Variants in DOCK8 observed in about 807,000 individuals in gnomAD.
DOCK8 encodes dedicator of cytokinesis 8, also known as dedicator of cytokinesis protein 8.
A neutral mutation model predicts 245.6 loss-of-function variants in DOCK8; 141 were observed. The observed-to-expected ratio is 0.57, with a 90% CI of 0.50 to 0.66. DOCK8 has a LOEUF of 0.66. Among genes scored for constraint, DOCK8 ranks in the 30% least tolerant of loss-of-function variants. The probability of loss-of-function intolerance (pLI) is 0.00; values close to 1 mark genes in which losing one functional copy is unlikely to be tolerated. For missense variants in DOCK8, 2,965 were observed against 2,603.4 expected (o/e 1.14, Z -3.02); for synonymous variants, 1,168 against 970.2 (o/e 1.20, Z -3.79).
intron 10 of DOCK8, among the ~76,000 whole-genome samples, chr9:333,399 A>G (rs1446902860): frequency 8.5e-5 from 13 of 152,186 alleles, no homozygotes; most frequent in Non-Finnish European, 1.9e-4. Flanking sequence ...CAGAAGATTG[A>G]GACCATCCTG....
chr9:355,134 A>G (rs1377639996), intron 14 of DOCK8, among the ~76,000 whole-genome samples: 1 of 151,100 alleles, frequency 6.6e-6, no homozygotes, highest in Non-Finnish European at 1.5e-5. Flanking sequence ...GTGGATGCTG[A>G]GGACAACGTG....
intron 14 of DOCK8, among the ~76,000 whole-genome samples, chr9:347,670 A>G (rs2051965988): frequency 6.6e-6 from 1 of 152,212 alleles, no homozygotes; most frequent in African/African-American, 2.4e-5. Context: ...AGTCATTTGA[A>G]TTAGCCAAGG....
At chr9:357,867 T>G (rs904340604) in intron 14 of DOCK8, among the ~76,000 whole-genome samples, 1 of 152,244 alleles carries the variant, frequency 6.6e-6, no homozygotes, top group Non-Finnish European at 1.5e-5. Context: ...GAAGACAGAA[T>G]GTTCTCTTCA....
intron 33 of DOCK8, among the ~76,000 whole-genome samples, chr9:426,202 C>A (rs903093107): frequency 2.6e-5 from 4 of 152,098 alleles, no homozygotes; most frequent in African/African-American, 9.7e-5. Context: ...TAAAGTGAAA[C>A]CTAATAGAGG....
intron 26 of DOCK8, among the ~76,000 whole-genome samples, chr9:400,114 ACCACCAGCATCT>A (rs1358983514): frequency 1.5e-4 from 16 of 106,308 alleles, no homozygotes; most frequent in South Asian, 6.0e-4. Context: ...CACCTCCACC[ACCACCAGCATCT>A]TCACCATCAC....
intron 1 of DOCK8, among the ~76,000 whole-genome samples, chr9:259,308 GA>G (rs753080395): frequency 2.6e-5 from 4 of 151,652 alleles, no homozygotes; most frequent in Admixed American, 6.6e-5. Context: ...TCTCAAAAAA[GA>G]AAAAAAATTC....
In DOCK8 at chr9:235,949, G is replaced by A. The variant is rs569348208; in HGVS notation, c.53+20920G>A. Among the ~76,000 whole-genome samples, 45 of 152,300 alleles carry A rather than the reference G, an allele frequency of 3.0e-4. No individual in the cohort carries two copies. The South Asian group carries it at 3.1e-3, about 11-fold the overall frequency. On this transcript the variant is annotated intron_variant, in intron 1 of 47. Coordinates refer to ENST00000432829, the MANE Select transcript of DOCK8 (RefSeq NM_203447.4). The stretch of plus-strand genomic sequence containing the variant: ...TGGCACTCCCCAGTGAGATGAACCC[G>A]GTACCTCAGTTGGAAATGCAGAAAT...
At chr9:268,468 T>C (rs2048084754) in intron 1 of DOCK8, among the ~76,000 whole-genome samples, 1 of 152,168 alleles carries the variant, frequency 6.6e-6, no homozygotes. Context: ...ATACTAGAGT[T>C]TTGACATAGG....
intron 14 of DOCK8, chr9:366,274 T>G (rs1232066621): frequency 6.6e-6 from 1 of 152,602 alleles, no homozygotes; most frequent in Non-Finnish European, 1.5e-5. Context: ...GTACAGCAAC[T>G]CATACTTGCT....
intron 11 of DOCK8, among the ~76,000 whole-genome samples, 165 bp from the exon 12 acceptor site, chr9:336,417 C>T (rs192381976): frequency 6.6e-6 from 1 of 152,206 alleles, no homozygotes; most frequent in East Asian, 1.9e-4. Context: ...AACAGGAGGA[C>T]TAAGAAAGGT....
intron 22 of DOCK8, 42 bp from the exon 23 acceptor site, chr9:386,289 C>G: frequency 6.4e-7 from 1 of 1,561,646 alleles, no homozygotes; most frequent in Non-Finnish European, 8.8e-7. Flanking sequence ...GCTTACCTTT[C>G]CATGGTTGGT....
At chr9:417,538 C>T (rs1016977532) in intron 29 of DOCK8, among the ~76,000 whole-genome samples, 5 of 152,062 alleles carry the variant, frequency 3.3e-5, no homozygotes, top group African/African-American at 1.2e-4. Flanking sequence ...TCTTAAAAAC[C>T]AGACTTTTAA....
intron 1 of DOCK8, among the ~76,000 whole-genome samples, chr9:233,096 G>A (rs2047157573): frequency 6.6e-6 from 1 of 152,138 alleles, no homozygotes; most frequent in Non-Finnish European, 1.5e-5. Flanking sequence ...GGTATGTTGT[G>A]TCTTTGTTCT....
intron 28 of DOCK8, among the ~76,000 whole-genome samples, chr9:410,724 G>A (rs1468659871): frequency 6.6e-6 from 1 of 152,156 alleles, no homozygotes; most frequent in African/African-American, 2.4e-5. Context: ...AAAGGTGATA[G>A]CCAAAATAAA....
chr9:464,062 G>T (rs2057898506), intron 47 of DOCK8, 97 bp from the exon 48 acceptor site: 1 of 1,036,358 alleles, frequency 9.6e-7, no homozygotes. Context: ...ATTTCTACTG[G>T]GTGATCCACC....
chr9:373,880 T>C (rs1472243139), intron 18 of DOCK8, among the ~76,000 whole-genome samples: 1 of 152,150 alleles, frequency 6.6e-6, no homozygotes, highest in Non-Finnish European at 1.5e-5. Flanking sequence ...AAAACCACCT[T>C]CTTATCATCA....
chr9:393,520 G>C (rs1257562873), intron 24 of DOCK8, among the ~76,000 whole-genome samples: 1 of 152,186 alleles, frequency 6.6e-6, no homozygotes, highest in Non-Finnish European at 1.5e-5. Context: ...CATAAAGAGA[G>C]TCTCCAAGTC....
intron 26 of DOCK8, among the ~76,000 whole-genome samples, chr9:400,075 A>G (rs1317394468): frequency 2.0e-4 from 18 of 89,318 alleles, no homozygotes; most frequent in East Asian, 3.7e-4. Flanking sequence ...CACCATCACC[A>G]TCACCACCAC....
In DOCK8 at chr9:372,233, C is replaced by G. The variant is rs574168762; in HGVS notation, c.2056C>G (p.Leu686Val). 2 of 1,614,152 alleles carry G rather than the reference C, an allele frequency of 1.2e-6. No homozygotes were observed. The highest frequency in any genetic ancestry group is 2.2e-5 in the South Asian group (2 of 91,084). Reference sequence around the variant, plus strand: ...ACGTCTTCAAACTGGATCCTACTGTCTCCCAGTTGCCTTGGAAAAATTGCC... The same window carrying G: ...ACGTCTTCAAACTGGATCCTACTGTGTCCCAGTTGCCTTGGAAAAATTGCC... ...NERLQTGSYC[L>V]PVALEKLPPN... Residue 686 changes from leucine to valine, a missense_variant, in exon 18 of 48, where the codon CTC becomes GTC. Physicochemically the swap from Leu to Val is conservative, Grantham distance 32 (BLOSUM62 1). Coordinates refer to ENST00000432829, the MANE Select transcript of DOCK8 (RefSeq NM_203447.4).
Sources: allele counts gnomAD v4.1 joint callset (sites outside exome capture counted in the v4.1 genomes callset), GRCh38; gene constraint gnomAD v4.1.1; transcripts MANE v1.5; gene names NCBI Gene and HGNC (gene_info 2026-07-23, HGNC 2026-07-21).